LHFPL3: variants seen among roughly 807,000 people sequenced by gnomAD.
LHFPL3 encodes LHFPL tetraspan subfamily member 3 protein.
Under a neutral mutation model 19.3 loss-of-function variants are expected in LHFPL3, and 5 were observed. The ratio of observed to expected loss-of-function variants is 0.26; its 90% CI spans 0.14 to 0.54. The LOEUF (loss-of-function observed/expected upper bound fraction) is 0.54. LHFPL3 is among the 20% of genes least tolerant of loss of function. The pLI, the probability that LHFPL3 is intolerant of heterozygous loss-of-function variation, is 0.94. For synonymous variants in LHFPL3, 133 were observed against 126.2 expected (o/e 1.05, Z -0.36); for missense variants, 249 against 307.4 (o/e 0.81, Z 1.42).
chr7:104,739,282 AAC>A (rs1354501255), intron 2 of LHFPL3, among the ~76,000 whole-genome samples: 2 of 152,184 alleles, frequency 1.3e-5, no homozygotes, highest in African/African-American at 4.8e-5. Flanking sequence ...GTATTATTTA[AAC>A]ACTTGCTAAA....
chr7:104,745,248 T>G (rs539925208), intron 2 of LHFPL3, among the ~76,000 whole-genome samples: 12 of 152,268 alleles, frequency 7.9e-5, no homozygotes, highest in African/African-American at 2.9e-4. Context: ...AGCTGCCCCT[T>G]CCTCTTTCTC....
intron 1 of LHFPL3, among the ~76,000 whole-genome samples, chr7:104,436,923 G>A (rs931304311): frequency 1.3e-5 from 2 of 152,064 alleles, no homozygotes; most frequent in African/African-American, 2.4e-5. Flanking sequence ...ACTTTTTAGA[G>A]GTGACACATA....
rs545372167 is a variant in LHFPL3 at position 104,563,956 on chromosome 7, T to C, written c.446-172719T>C. Among the ~76,000 whole-genome samples the C allele has an allele frequency of 7.2e-5, 11 of 152,364 alleles. No homozygotes were observed. In the East Asian group the frequency reaches 2.1e-3, roughly 29 times the overall value. On this transcript the variant is annotated intron_variant, in intron 1 of 2. Coordinates refer to ENST00000424859, the MANE Select transcript of LHFPL3 (RefSeq NM_199000.3). ...ATGGAGTTGCATAAACTGATCTTTC[T>C]GCCATAGAAAATACCTAATAACAAT... is the stretch of plus-strand genomic sequence containing the variant.
intron 2 of LHFPL3, among the ~76,000 whole-genome samples, chr7:104,874,506 T>A (rs1791898616): frequency 6.6e-6 from 1 of 151,816 alleles, no homozygotes; most frequent in Non-Finnish European, 1.5e-5. Flanking sequence ...GCAATTCTCC[T>A]GTCTCAGCCT....
At chr7:104,618,972 T>C (rs1410907634) in intron 1 of LHFPL3, among the ~76,000 whole-genome samples, 1 of 152,176 alleles carries the variant, frequency 6.6e-6, no homozygotes, top group Non-Finnish European at 1.5e-5. Context: ...GCTTCTTTAT[T>C]TATCCCCTAC....
At chr7:104,645,871 A>G (rs918480093) in intron 1 of LHFPL3, among the ~76,000 whole-genome samples, 1 of 151,926 alleles carries the variant, frequency 6.6e-6, no homozygotes, top group Non-Finnish European at 1.5e-5. Flanking sequence ...TGTGTTAGCC[A>G]GGATGGTCTC....
At chr7:104,404,191 T>C (rs758485587) in intron 1 of LHFPL3, among the ~76,000 whole-genome samples, 2 of 152,228 alleles carry the variant, frequency 1.3e-5, no homozygotes, top group Non-Finnish European at 2.9e-5. Flanking sequence ...TCTTGAATCT[T>C]GGTCAGTAAG....
intron 1 of LHFPL3, among the ~76,000 whole-genome samples, chr7:104,583,314 G>C (rs1236257841): frequency 2.0e-5 from 3 of 152,090 alleles, no homozygotes; most frequent in Non-Finnish European, 2.9e-5. Context: ...ATTAATTCAA[G>C]ATGGATTAAA....
intron 1 of LHFPL3, among the ~76,000 whole-genome samples, chr7:104,372,527 G>A (rs980763868): frequency 1.3e-5 from 2 of 152,144 alleles, no homozygotes; most frequent in African/African-American, 2.4e-5. Flanking sequence ...CACTGAGGAG[G>A]CAATATGCTG....
chr7:104,773,324 G>T (rs1391507013), intron 2 of LHFPL3, among the ~76,000 whole-genome samples: 2 of 152,200 alleles, frequency 1.3e-5, no homozygotes, highest in Non-Finnish European at 2.9e-5. Flanking sequence ...CCTGTGCCTG[G>T]TTACAGTCAG....
intron 1 of LHFPL3, among the ~76,000 whole-genome samples, chr7:104,676,371 A>G (rs1235881353): frequency 6.6e-6 from 1 of 152,228 alleles, no homozygotes; most frequent in Non-Finnish European, 1.5e-5. Context: ...GAAGTCAGGA[A>G]ATTGTAAGCT....
chr7:104,747,968 AAAG>A lies in LHFPL3; in HGVS notation c.682+11061_682+11063del, dbSNP rs1794082658. Among the ~76,000 whole-genome samples the A allele has an allele frequency of 2.0e-5, 3 of 152,256 alleles. No homozygotes were observed. In the South Asian group the frequency reaches 6.2e-4, roughly 32 times the overall value. On this transcript the variant is annotated intron_variant, in intron 2 of 2. Coordinates refer to ENST00000424859, the MANE Select transcript of LHFPL3 (RefSeq NM_199000.3). The stretch of plus-strand genomic sequence containing the variant: ...TCAGATTGTTACTGTGTCTGTGTAG[AAAG>A]AAGTAGACATAGGAGACTCCATTTT...
chr7:104,657,784 T>G (rs563086288), intron 1 of LHFPL3, among the ~76,000 whole-genome samples: 1 of 152,288 alleles, frequency 6.6e-6, no homozygotes, highest in Admixed American at 6.5e-5. Flanking sequence ...AACTCAGAAG[T>G]CATAGCTTTA....
At chr7:104,331,203 G>A (rs1444168189) in intron 1 of LHFPL3, among the ~76,000 whole-genome samples, 11 of 152,126 alleles carry the variant, frequency 7.2e-5, no homozygotes. Context: ...TTCTGGAATA[G>A]AGCACAGAAA....
chr7:104,601,115 A>G (rs1286162169), intron 1 of LHFPL3, among the ~76,000 whole-genome samples: 1 of 152,204 alleles, frequency 6.6e-6, no homozygotes, highest in Non-Finnish European at 1.5e-5. Flanking sequence ...ATTTATAAGC[A>G]TAGCATATAC....
chr7:104,503,446 T>C (rs773096630), intron 1 of LHFPL3, among the ~76,000 whole-genome samples: 10 of 152,250 alleles, frequency 6.6e-5, no homozygotes, highest in Non-Finnish European at 1.2e-4. Flanking sequence ...AATGTTTGTT[T>C]ATATTATGAG....
chr7:104,552,329 A>G (rs1794676451), intron 1 of LHFPL3, among the ~76,000 whole-genome samples: 1 of 152,188 alleles, frequency 6.6e-6, no homozygotes, highest in Non-Finnish European at 1.5e-5. Flanking sequence ...GTGAGCAGGA[A>G]TGTAGCCTTT....
rs181729869 is a variant in LHFPL3, at chr7:104,423,493, C to T, written c.445+94269C>T. Among the ~76,000 whole-genome samples the T allele has an allele frequency of 5.3e-5, 8 of 152,168 alleles. No individual in the cohort carries two copies. In the East Asian group the frequency reaches 1.2e-3, roughly 22 times the overall value. On this transcript the variant is annotated intron_variant, in intron 1 of 2. Transcript: ENST00000424859. ...GCTGGGCATGGTGGTGCATGCCTAC[C>T]GTCCCAGCTACTCCTGATCACAGAA...
intron 2 of LHFPL3, among the ~76,000 whole-genome samples, chr7:104,769,908 T>C (rs1794523775): frequency 6.6e-6 from 1 of 152,108 alleles, no homozygotes; most frequent in Admixed American, 6.5e-5. Context: ...GTGGAAAAAA[T>C]AGCAATTTCA....
Sources: allele counts gnomAD v4.1 joint callset (sites outside exome capture counted in the v4.1 genomes callset), GRCh38; gene constraint gnomAD v4.1.1; transcripts MANE v1.5; gene names NCBI Gene and HGNC (gene_info 2026-07-23, HGNC 2026-07-21).